The following IL7 variants were observed in gnomAD, a reference collection of about 807,000 sequenced individuals.
The protein encoded by IL7 is interleukin-7.
Under a neutral mutation model 21.6 loss-of-function variants are expected in IL7, and 3 were observed. The ratio of observed to expected loss-of-function variants is 0.14; its 90% CI spans 0.06 to 0.36. IL7 has a LOEUF of 0.36. Ranked by LOEUF, IL7 falls within the 10% of genes least tolerant of loss-of-function variation. The pLI is 1.00. For synonymous variants in IL7, 62 were observed against 68.1 expected (o/e 0.91, Z 0.44); for missense variants, 175 against 200.2 (o/e 0.87, Z 0.76).
intron 2 of IL7, chr8:78,760,697 G>T (rs1291941960): frequency 6.3e-7 from 1 of 1,582,620 alleles, no homozygotes; most frequent in South Asian, 1.1e-5. Context: ...GACACTTAGG[G>T]TTTCTTTATA....
chr8:78,740,234 G>T (rs960465275), intron 2 of IL7, 152 bp from the exon 3 acceptor site: 9 of 378,518 alleles, frequency 2.4e-5, no homozygotes, highest in African/African-American at 1.9e-4. Context: ...TAAGCATGAG[G>T]AATCATTTTC....
At chr8:78,688,927 G>A (rs138406671) in intron 3 of IL7, among the ~76,000 whole-genome samples, 2 of 151,608 alleles carry the variant, frequency 1.3e-5, no homozygotes, top group African/African-American at 4.8e-5. Context: ...AAGAAATAAC[G>A]TTTTTCCTCT....
At chr8:78,682,264 T>G (rs1316767919) in intron 4 of IL7, among the ~76,000 whole-genome samples, 1 of 152,078 alleles carries the variant, frequency 6.6e-6, no homozygotes, top group Non-Finnish European at 1.5e-5. Flanking sequence ...TGCCAGCCAA[T>G]ACAGTTAGAT....
chr8:78,686,327 T>C, intron 3 of IL7: 1 of 732,496 alleles, frequency 1.4e-6, no homozygotes, highest in Non-Finnish European at 1.9e-6. Context: ...TTTAAAATTA[T>C]AAATTTGAGA....
At chr8:78,717,390 C>T (rs375522431), downstream of IL7, 50 of 1,613,454 alleles carry the variant, frequency 3.1e-5, no homozygotes, top group Non-Finnish European at 4.2e-5. Flanking sequence ...GAAGGACATT[C>T]ACCTGGAAAC....
downstream of IL7, among the ~76,000 whole-genome samples, chr8:78,732,279 A>C (rs555520240): frequency 1.3e-5 from 2 of 152,180 alleles, no homozygotes; most frequent in Non-Finnish European, 2.9e-5. Context: ...TTAATGGGGC[A>C]GTTCAGTAAA....
chr8:78,676,873 T>C (rs947874028), intron 4 of IL7, among the ~76,000 whole-genome samples: 2 of 152,030 alleles, frequency 1.3e-5, no homozygotes, highest in Non-Finnish European at 2.9e-5. Context: ...AATGATGTTA[T>C]TATAACACCT....
Position 78,680,208 on chromosome 8 carries a change from A to G in IL7, n.274-4104T>C, listed in dbSNP as rs541972008. Among the ~76,000 whole-genome samples, 7 of 146,864 alleles carry G rather than the reference A, an allele frequency of 4.8e-5. No individual in the cohort carries two copies. In the East Asian group the frequency reaches 1.4e-3, roughly 30 times the overall value. ...TTCTTTTATAAGGAATTGGGGTTGT[A>G]AACTTAAAAATTGAATTCTAGAAAA... On this transcript the variant is annotated intron_variant and non_coding_transcript_variant, in intron 4 of 4. Transcript: ENST00000523959.
chr8:78,724,808 A>G (rs1367319944), intron 3 of IL7, among the ~76,000 whole-genome samples: 6 of 151,974 alleles, frequency 3.9e-5, no homozygotes, highest in South Asian at 2.1e-4. Flanking sequence ...TCTCCCTCTT[A>G]TATCAGTAGA....
downstream of IL7, among the ~76,000 whole-genome samples, chr8:78,730,270 A>G (rs1811401430): frequency 2.0e-5 from 3 of 151,920 alleles, no homozygotes; most frequent in Admixed American, 6.6e-5. Context: ...CCAATACAAA[A>G]CGATGATTTA....
At chr8:78,737,183 C>G (rs75248114) in intron 4 of IL7, among the ~76,000 whole-genome samples, 2,049 of 152,038 alleles carry the variant, frequency 0.013, 26 homozygotes, top group South Asian at 0.031. Flanking sequence ...TATAACATAC[C>G]TAAGACCTTT....
downstream of IL7, among the ~76,000 whole-genome samples, chr8:78,731,216 A>G (rs1255326126): frequency 6.6e-6 from 1 of 152,026 alleles, no homozygotes; most frequent in Non-Finnish European, 1.5e-5. Flanking sequence ...CTTATTCCTG[A>G]AAAGAGTATT....
intron 3 of IL7, among the ~76,000 whole-genome samples, chr8:78,703,690 C>G (rs1203018138): frequency 1.3e-5 from 2 of 151,994 alleles, no homozygotes; most frequent in Non-Finnish European, 2.9e-5. Context: ...TGAGATGGGT[C>G]TCTTGAAGAC....
intron 2 of IL7, among the ~76,000 whole-genome samples, chr8:78,796,762 T>C (rs1007815613): frequency 6.6e-6 from 1 of 152,100 alleles, no homozygotes; most frequent in African/African-American, 2.4e-5. Flanking sequence ...TACCAAAGGC[T>C]GGCGAAGATG....
At chr8:78,677,158 G>T (rs1329713920) in intron 4 of IL7, among the ~76,000 whole-genome samples, 2 of 152,022 alleles carry the variant, frequency 1.3e-5, no homozygotes, top group African/African-American at 4.8e-5. Flanking sequence ...AAGTTTGACA[G>T]TTCTACCTTC....
intron 2 of IL7, among the ~76,000 whole-genome samples, chr8:78,769,358 A>G (rs371450430): frequency 2.0e-5 from 3 of 152,150 alleles, no homozygotes; most frequent in Non-Finnish European, 2.9e-5. Context: ...AAATCAATGT[A>G]CAAAAATCAC....
intron 2 of IL7, among the ~76,000 whole-genome samples, chr8:78,776,639 C>G (rs1346280590): frequency 2.6e-5 from 4 of 152,052 alleles, no homozygotes; most frequent in Non-Finnish European, 5.9e-5. Context: ...GACATTATTT[C>G]TAACATTAAT....
At chr8:78,711,542 T>G (rs1358252284) in intron 3 of IL7, among the ~76,000 whole-genome samples, 1 of 152,142 alleles carries the variant, frequency 6.6e-6, no homozygotes, top group Non-Finnish European at 1.5e-5. Context: ...GAGTACATGT[T>G]ATTTAGTCAA....
chr8:78,761,424 C>T, intron 2 of IL7: 1 of 1,611,868 alleles, frequency 6.2e-7, no homozygotes, highest in South Asian at 1.1e-5. Flanking sequence ...GAAGAAAATC[C>T]ACTAGAGACA....
Sources: allele counts gnomAD v4.1 joint callset (sites outside exome capture counted in the v4.1 genomes callset), GRCh38; gene constraint gnomAD v4.1.1; transcripts MANE v1.5; gene names NCBI Gene and HGNC (gene_info 2026-07-23, HGNC 2026-07-21).